The following PDPN variants were observed in gnomAD, a reference collection of about 807,000 sequenced individuals.
PDPN encodes podoplanin.
A neutral mutation model predicts 23.2 loss-of-function variants in PDPN; 12 were observed. The observed-to-expected ratio is 0.52, with a 90% CI of 0.33 to 0.84. The LOEUF (loss-of-function observed/expected upper bound fraction) is 0.84. Ranked by LOEUF, PDPN falls within the 40% of genes least tolerant of loss-of-function variation. The pLI is 0.02. For synonymous variants in PDPN, 77 were observed against 76.7 expected (o/e 1.00, Z -0.02); for missense variants, 199 against 212.2 (o/e 0.94, Z 0.39).
In PDPN at chr1:13,614,326, G is replaced by A. The variant is rs779833005; in HGVS notation, c.397G>A (p.Gly133Arg). 1.2e-6 allele frequency: 2 copies of A among 1,603,404 alleles called. No homozygotes were observed. The highest frequency in any genetic ancestry group is 1.7e-6 in the Non-Finnish European group (2 of 1,170,322). ...TGGTTTGTCAACAGTGACCCTGGTTGGAATCATAGTTGGGGTCTTACTAGC... is the reference window on the plus strand; with the variant it reads ...TGGTTTGTCAACAGTGACCCTGGTTAGAATCATAGTTGGGGTCTTACTAGC... ...KDGLSTVTLV[G>R]IIVGVLLAIG... is the part of the protein sequence containing the mutation. The change falls in exon 5 of 6, where the codon GGA becomes AGA. Residue 133 changes from glycine to arginine, a missense_variant. Physicochemically the swap from Gly to Arg is moderately radical, Grantham distance 125. Transcript: ENST00000621990.
At chr1:13,593,299 T>G (rs1640401821) in intron 1 of PDPN, among the ~76,000 whole-genome samples, 1 of 152,078 alleles carries the variant, frequency 6.6e-6, no homozygotes, top group African/African-American at 2.4e-5. Flanking sequence ...TTAGATATGA[T>G]GAGTTTGAGG....
Position 13,593,657 on chromosome 1 carries a change from A to T in PDPN, c.67+9557A>T, listed in dbSNP as rs138177830. On this transcript the variant is annotated intron_variant, in intron 1 of 5. Coordinates refer to ENST00000621990, the MANE Select transcript of PDPN (RefSeq NM_006474.5). ...TGCGTGGGGTGGACGGTGAGGTCAG[A>T]TGCAAAGGGGCTTCTTTTCTCCCTC... Among the ~76,000 whole-genome samples the T allele has an allele frequency of 4.8e-3, 726 of 152,246 alleles. 9 individuals are homozygous for T. The highest frequency in any genetic ancestry group is 0.017 in the African/African-American group (697 of 41,550).
chr1:13,588,782 G>A (rs965525446), intron 1 of PDPN, among the ~76,000 whole-genome samples: 1 of 138,980 alleles, frequency 7.2e-6, no homozygotes, highest in South Asian at 2.2e-4. Flanking sequence ...AGGCTCAAGC[G>A]ATCCTCCCAC....
intron 1 of PDPN, chr1:13,585,540 C>G: frequency 7.4e-7 from 1 of 1,351,648 alleles, no homozygotes; most frequent in Non-Finnish European, 9.8e-7. Context: ...ACTTCAGCAT[C>G]TCAGCCCTGC....
intron 2 of PDPN, among the ~76,000 whole-genome samples, chr1:13,609,147 G>C (rs1361834556): frequency 6.6e-6 from 1 of 152,210 alleles, no homozygotes; most frequent in Non-Finnish European, 1.5e-5. Context: ...TAGAGACTGT[G>C]TGGCCTGGAC....
At chr1:13,599,793 C>T (rs1348483050) in intron 1 of PDPN, among the ~76,000 whole-genome samples, 1 of 152,124 alleles carries the variant, frequency 6.6e-6, no homozygotes, top group Non-Finnish European at 1.5e-5. Context: ...TGGCCCAGCT[C>T]TTGGCAGGTG....
intron 2 of PDPN, 136 bp from the exon 3 acceptor site, chr1:13,610,251 T>C: frequency 1.5e-6 from 1 of 666,468 alleles, no homozygotes; most frequent in Non-Finnish European, 2.6e-6. Context: ...GTTCTGTTCA[T>C]TTTCTTCTAC....
At chr1:13,587,603 T>A (rs974131631) in intron 1 of PDPN, among the ~76,000 whole-genome samples, 2 of 152,174 alleles carry the variant, frequency 1.3e-5, no homozygotes, top group East Asian at 3.9e-4. Flanking sequence ...GCCCCAAAAC[T>A]TCTCAGGGAA....
At chr1:13,595,585 G>A (rs761746445) in intron 1 of PDPN, among the ~76,000 whole-genome samples, 8 of 152,206 alleles carry the variant, frequency 5.3e-5, no homozygotes, top group Non-Finnish European at 1.2e-4. Context: ...CTAGTGACAC[G>A]TGTCTGATCT....
At position 13,616,157 on chromosome 1, in the gene PDPN, A is replaced by G; in HGVS notation, c.*246A>G. On this transcript the variant is annotated 3_prime_UTR_variant, in exon 6 of 6. Transcript: ENST00000621990. ...TATACATTCTATAAAAGATTATTTG[A>G]AAGACAAAATTCATAGAAAATGGAG... 3.6e-6 allele frequency: 2 copies of G among 557,034 alleles called. No homozygotes were observed. Among genetic ancestry groups the G allele is most frequent in the Non-Finnish European group, 6.4e-6 (2 of 313,460 alleles). The allele number at this position is 557,034 out of a possible 1,614,324, so 34.5% of individuals were successfully genotyped here. A position where few individuals can be genotyped will look rare whatever the true frequency, so the allele number is the denominator to read the frequency against.
rs568234439 is a variant in PDPN at position 13,611,448 on chromosome 1, C to T, written c.331+932C>T. 3.9e-5 allele frequency among the ~76,000 whole-genome samples: 6 copies of T among 152,044 alleles called. 1 individual carries two copies. The South Asian group carries it at 1.2e-3, about 32-fold the overall frequency. ...ATACAACATGGAGGAAACTTAAGGA[C>T]ATTATGCAAAGTGAAATAAACCAGT... On this transcript the variant is annotated intron_variant, in intron 3 of 5. Transcript: ENST00000621990.
chr1:13,610,416 C>T lies in PDPN; in HGVS notation c.231C>T (p.Gly77=). 6.2e-7 allele frequency: 1 copy of T among 1,613,702 alleles called. No individual in the cohort carries two copies. The highest frequency in any genetic ancestry group is 8.5e-7 in the Non-Finnish European group (1 of 1,179,656). The change falls in exon 3 of 6, where the codon GGC becomes GGT. Residue 77 remains glycine (G), a synonymous_variant. Coordinates refer to ENST00000621990, the MANE Select transcript of PDPN (RefSeq NM_006474.5). ...CAACAAGTGTCAACAGTGTAACAGGCATTCGCATCGAGGATCTGCCAACTT... is the reference window on the plus strand; with the variant it reads ...CAACAAGTGTCAACAGTGTAACAGGTATTCGCATCGAGGATCTGCCAACTT... The part of the protein sequence containing the change: ...LVATSVNSVT[G]IRIEDLPTSE...
intron 1 of PDPN, among the ~76,000 whole-genome samples, chr1:13,599,277 G>T (rs929596240): frequency 6.6e-6 from 1 of 151,564 alleles, no homozygotes; most frequent in Non-Finnish European, 1.5e-5. Context: ...CCAAAGTGCT[G>T]GTGGGATTAC....
chr1:13,610,604 T>C (rs1640909619), intron 3 of PDPN, 88 bp downstream of exon 3: 3 of 1,306,678 alleles, frequency 2.3e-6, no homozygotes, highest in African/African-American at 1.5e-5. Flanking sequence ...GAATAATCAA[T>C]AGGGGGCATA....
Position 13,584,081 on chromosome 1 carries a change from C to T in PDPN, c.48C>T (p.Leu16=), listed in dbSNP as rs779818780. Residue 16 remains leucine, a synonymous_variant, in exon 1 of 6, where the codon CTC becomes CTT. Transcript: ENST00000621990. ...ALLFVLGSAS[L]WVLAEGASTG... ...TCTTCGTTTTGGGAAGCGCGTCGCTCTGGGTCCTGGCAGAAGGAGGTAAGA... is the reference window on the plus strand; with the variant it reads ...TCTTCGTTTTGGGAAGCGCGTCGCTTTGGGTCCTGGCAGAAGGAGGTAAGA... 4 of 1,613,110 alleles carry T rather than the reference C, an allele frequency of 2.5e-6. No homozygotes were observed. Among genetic ancestry groups the T allele is most frequent in the Non-Finnish European group, 2.5e-6 (3 of 1,180,008 alleles).
chr1:13,584,975 C>T (rs1640137511), intron 1 of PDPN, among the ~76,000 whole-genome samples: 1 of 152,120 alleles, frequency 6.6e-6, no homozygotes, highest in Admixed American at 6.5e-5. Context: ...GTTTTCTTTT[C>T]TTGGGTTTTT....
Position 13,583,984 on chromosome 1 carries a change from T to C in PDPN, c.-50T>C, listed in dbSNP as rs1363631732. 2 of 1,613,608 alleles carry C rather than the reference T, an allele frequency of 1.2e-6. No homozygotes were observed. The highest frequency in any genetic ancestry group is 2.2e-5 in the South Asian group (2 of 91,090). On this transcript the variant is annotated 5_prime_UTR_variant, in exon 1 of 6. Coordinates refer to ENST00000621990, the MANE Select transcript of PDPN (RefSeq NM_006474.5). The stretch of plus-strand genomic sequence containing the variant: ...CGGTGCTTTTTAATTTTCCCCCAGC[T>C]CAGAATCTTGCTGCTCGGCCCCCAG...
At chr1:13,614,161 G>A (rs1641006044) in intron 4 of PDPN, 139 bp from the exon 5 acceptor site, 1 of 591,530 alleles carries the variant, frequency 1.7e-6, no homozygotes, top group South Asian at 2.3e-5. Context: ...CCTTTTGGAA[G>A]AAATGCTCCA....
chr1:13,585,142 G>C (rs1640142637), intron 1 of PDPN, among the ~76,000 whole-genome samples: 1 of 152,180 alleles, frequency 6.6e-6, no homozygotes, highest in Non-Finnish European at 1.5e-5. Context: ...GGGGCTGGAG[G>C]TTGCTGAGTT....
Sources: allele counts gnomAD v4.1 joint callset (sites outside exome capture counted in the v4.1 genomes callset), GRCh38; gene constraint gnomAD v4.1.1; transcripts MANE v1.5; gene names NCBI Gene and HGNC (gene_info 2026-07-23, HGNC 2026-07-21).